The following ARFGEF3 variants were observed in gnomAD, a reference collection of about 807,000 sequenced individuals.
ARFGEF3 encodes the protein ARFGEF family member 3.
A neutral mutation model predicts 221.7 loss-of-function variants in ARFGEF3; 96 were observed. That is an observed-to-expected ratio of 0.43 (90% CI 0.37 to 0.51). ARFGEF3 has a LOEUF of 0.51. Among genes scored for constraint, ARFGEF3 ranks in the 20% least tolerant of loss-of-function variants. The pLI is 0.00. For missense variants in ARFGEF3, 2,410 were observed against 2,789.9 expected, an observed-to-expected ratio of 0.86 and a Z score of 3.07; for synonymous variants, 1,145 against 1,126.8, an observed-to-expected ratio of 1.02 and a Z score of -0.32.
intron 2 of ARFGEF3, among the ~76,000 whole-genome samples, chr6:138,182,114 T>A (rs1582998294): frequency 6.6e-6 from 1 of 152,154 alleles, no homozygotes; most frequent in East Asian, 1.9e-4. Flanking sequence ...CACTCCTGTG[T>A]GAGACAGTGG....
intron 14 of ARFGEF3, among the ~76,000 whole-genome samples, chr6:138,280,501 C>A (rs745501954): frequency 6.6e-6 from 1 of 152,106 alleles, no homozygotes; most frequent in Non-Finnish European, 1.5e-5. Context: ...TAATAGTTGC[C>A]CATATCATTC....
intron 4 of ARFGEF3, chr6:138,215,965 T>C (rs1311583308): frequency 6.9e-6 from 1 of 144,128 alleles, no homozygotes; most frequent in African/African-American, 2.6e-5. Context: ...GGTTTTTTGG[T>C]TTTTTGTTGT....
At position 138,330,435 on chromosome 6, in the gene ARFGEF3, C is replaced by A. The variant is rs192103002; in HGVS notation, c.5123+2293C>A. On this transcript the variant is annotated intron_variant, in intron 32 of 33. Coordinates refer to ENST00000251691, the MANE Select transcript of ARFGEF3 (RefSeq NM_020340.5). ...CCAATTTCTGTTGTTTGTAAGCCAC[C>A]CAGTCTATGGTATTTGTTAACGGCA... is the stretch of plus-strand genomic sequence containing the variant. Among the ~76,000 whole-genome samples the A allele has an allele frequency of 2.8e-4, 43 of 151,676 alleles. 1 individual carries two copies. Among genetic ancestry groups the A allele is most frequent in the Non-Finnish European group, 5.3e-4 (36 of 68,022 alleles).
chr6:138,226,504 C>T (rs902050346), intron 4 of ARFGEF3, among the ~76,000 whole-genome samples: 2 of 152,164 alleles, frequency 1.3e-5, no homozygotes, highest in African/African-American at 4.8e-5. Context: ...CCTTGTGGCT[C>T]ATTTATGGAG....
chr6:138,233,202 A>T (rs1415809288), intron 5 of ARFGEF3, among the ~76,000 whole-genome samples: 2 of 152,210 alleles, frequency 1.3e-5, no homozygotes, highest in African/African-American at 4.8e-5. Context: ...AGCATTATAT[A>T]TAACACATCA....
intron 12 of ARFGEF3, among the ~76,000 whole-genome samples, chr6:138,276,110 T>A (rs1047542373): frequency 8.0e-6 from 1 of 125,480 alleles, no homozygotes; most frequent in Admixed American, 8.0e-5. Flanking sequence ...AGTGGCTCGG[T>A]GTGTTTTGTT....
intron 10 of ARFGEF3, 143 bp downstream of exon 10, chr6:138,255,912 T>A (rs944793570): frequency 2.4e-5 from 17 of 721,168 alleles, no homozygotes; most frequent in Non-Finnish European, 3.3e-5. Context: ...GAATGCTGTC[T>A]CTAGAGTCAG....
chr6:138,320,095 A>G (rs951540863), intron 28 of ARFGEF3, among the ~76,000 whole-genome samples: 1 of 152,336 alleles, frequency 6.6e-6, no homozygotes, highest in African/African-American at 2.4e-5. Context: ...TTCAAACCGA[A>G]TGCTCAAAAT....
intron 12 of ARFGEF3, among the ~76,000 whole-genome samples, chr6:138,266,762 T>C (rs1213200404): frequency 7.0e-6 from 1 of 142,998 alleles, no homozygotes; most frequent in African/African-American, 2.6e-5. Context: ...GGCAGGAGAA[T>C]GGTGTGAACC....
At chr6:138,176,234 T>C (rs1330537417) in intron 2 of ARFGEF3, among the ~76,000 whole-genome samples, 1 of 149,502 alleles carries the variant, frequency 6.7e-6, no homozygotes, top group Non-Finnish European at 1.5e-5. Flanking sequence ...CAGGCTGAAG[T>C]GCAGTGGTGC....
At chr6:138,259,914 T>TAA (rs145154056) in intron 10 of ARFGEF3, among the ~76,000 whole-genome samples, 2 of 149,236 alleles carry the variant, frequency 1.3e-5, no homozygotes, top group Non-Finnish European at 3.0e-5. Context: ...ATTCCATCTT[T>TAA]AAAAAAAAAA....
In ARFGEF3 at chr6:138,301,202, G is replaced by A. The variant is rs144875077; in HGVS notation, c.3828+2417G>A. On this transcript the variant is annotated intron_variant, in intron 22 of 33. Coordinates refer to ENST00000251691, the MANE Select transcript of ARFGEF3 (RefSeq NM_020340.5). ...CCCCGCAAAAATCAAGCATAAAACA[G>A]GACAGGACAAAATTGTCCAAAGCAA... 5.1e-4 allele frequency among the ~76,000 whole-genome samples: 77 copies of A among 152,268 alleles called. 1 individual carries two copies. Among genetic ancestry groups the A allele is most frequent in the African/African-American group, 1.7e-3 (69 of 41,568 alleles).
At chr6:138,308,455 G>A (rs537177423) in intron 23 of ARFGEF3, among the ~76,000 whole-genome samples, 9 of 152,304 alleles carry the variant, frequency 5.9e-5, no homozygotes, top group African/African-American at 2.2e-4. Flanking sequence ...CTGTGCAGGA[G>A]CATTCCAGAG....
chr6:138,299,415 CT>C (rs1446170275), intron 22 of ARFGEF3, among the ~76,000 whole-genome samples: 3 of 152,082 alleles, frequency 2.0e-5, no homozygotes, highest in Non-Finnish European at 4.4e-5. Context: ...GCCTATATTC[CT>C]AACTGCTGCC....
intron 1 of ARFGEF3, among the ~76,000 whole-genome samples, chr6:138,169,674 T>G (rs1409164617): frequency 6.6e-6 from 1 of 152,178 alleles, no homozygotes; most frequent in Non-Finnish European, 1.5e-5. Flanking sequence ...ACTTCAGTCC[T>G]TCATCTTCCT....
intron 32 of ARFGEF3, among the ~76,000 whole-genome samples, 194 bp from the exon 33 acceptor site, chr6:138,333,776 C>T (rs1208795617): frequency 6.6e-6 from 1 of 152,116 alleles, no homozygotes; most frequent in Non-Finnish European, 1.5e-5. Context: ...TCAAGAACTC[C>T]ACTAGTTGTG....
At chr6:138,230,365 G>A (rs1372693778) in intron 5 of ARFGEF3, among the ~76,000 whole-genome samples, 1 of 152,170 alleles carries the variant, frequency 6.6e-6, no homozygotes, top group Non-Finnish European at 1.5e-5. Flanking sequence ...GCATGCCCAA[G>A]AATATGTCCA....
In ARFGEF3 at chr6:138,337,791, A is replaced by G. The variant is rs1311423152; in HGVS notation, c.*1305A>G. 2 of 152,158 alleles carry G rather than the reference A, an allele frequency of 1.3e-5. No individual in the cohort carries two copies. Among genetic ancestry groups the G allele is most frequent in the African/African-American group, 4.8e-5 (2 of 41,418 alleles). 9.4% of individuals were successfully genotyped at this position (152,158 alleles called of 1,614,324 possible). A position where few individuals can be genotyped will look rare whatever the true frequency, so the allele number is the denominator to read the frequency against. ...ATCTTATTATTTACAGTATTTTTATATTTCTTACATTATCCTAATGATTGA... is the reference window on the plus strand; with the variant it reads ...ATCTTATTATTTACAGTATTTTTATGTTTCTTACATTATCCTAATGATTGA... On this transcript the variant is annotated 3_prime_UTR_variant, in exon 34 of 34. Coordinates refer to ENST00000251691, the MANE Select transcript of ARFGEF3 (RefSeq NM_020340.5).
intron 2 of ARFGEF3, among the ~76,000 whole-genome samples, chr6:138,200,437 A>G (rs1464965033): frequency 6.6e-6 from 1 of 152,234 alleles, no homozygotes; most frequent in Non-Finnish European, 1.5e-5. Context: ...CTATAAGGCC[A>G]TAGTCACTAA....
Sources: allele counts gnomAD v4.1 joint callset (sites outside exome capture counted in the v4.1 genomes callset), GRCh38; gene constraint gnomAD v4.1.1; transcripts MANE v1.5; gene names NCBI Gene and HGNC (gene_info 2026-07-23, HGNC 2026-07-21).